The following TBC1D4 variants were observed in gnomAD, a reference collection of about 807,000 sequenced individuals.
TBC1D4 encodes the protein TBC (Tre-2, BUB2, CDC16) domain-containing protein.
A neutral mutation model predicts 142.5 loss-of-function variants in TBC1D4; 121 were observed. The ratio of observed to expected loss-of-function variants is 0.85; its 90% CI spans 0.73 to 0.99. The LOEUF is 0.99. Among genes scored for constraint, TBC1D4 ranks in the 50% least tolerant of loss-of-function variants. The pLI is 0.00. For synonymous variants in TBC1D4, 630 were observed against 628.2 expected, an observed-to-expected ratio of 1.00 and a Z score of -0.04; for missense variants, 1,475 against 1,606.6, an observed-to-expected ratio of 0.92 and a Z score of 1.40.
intron 15 of TBC1D4, chr13:75,302,941 C>G (rs1876729352): frequency 6.1e-6 from 1 of 164,676 alleles, no homozygotes; most frequent in Non-Finnish European, 1.3e-5. Flanking sequence ...AAATGCTAAA[C>G]CTAATTTACA....
chr13:75,337,116 A>C, intron 7 of TBC1D4, 76 bp from the exon 8 acceptor site: 1 of 1,388,468 alleles, frequency 7.2e-7, no homozygotes, highest in South Asian at 1.2e-5. Context: ...TAGGCTTAAG[A>C]CTAAGCTATT....
chr13:75,450,016 G>T (rs1371983911), intron 1 of TBC1D4, among the ~76,000 whole-genome samples: 1 of 152,006 alleles, frequency 6.6e-6, no homozygotes, highest in Non-Finnish European at 1.5e-5. Context: ...TGTTTTGTGT[G>T]GATACACACA....
chr13:75,432,024 G>A (rs1566486180), intron 1 of TBC1D4, among the ~76,000 whole-genome samples: 1 of 152,124 alleles, frequency 6.6e-6, no homozygotes, highest in Non-Finnish European at 1.5e-5. Flanking sequence ...GTGAGAAAGT[G>A]GATAAAGATT....
intron 15 of TBC1D4, among the ~76,000 whole-genome samples, chr13:75,304,771 G>A (rs552815466): frequency 8.5e-5 from 13 of 152,202 alleles, no homozygotes; most frequent in African/African-American, 3.1e-4. Context: ...GAAAGAAAGG[G>A]AGATGGGAAA....
intron 18 of TBC1D4, among the ~76,000 whole-genome samples, 169 bp from the exon 19 acceptor site, chr13:75,292,440 A>G (rs1417293320): frequency 1.3e-5 from 2 of 152,200 alleles, no homozygotes; most frequent in Non-Finnish European, 2.9e-5. Flanking sequence ...TAAACATATA[A>G]GCAGATGTTT....
At chr13:75,431,805 T>G (rs1023993206) in intron 1 of TBC1D4, among the ~76,000 whole-genome samples, 1 of 152,214 alleles carries the variant, frequency 6.6e-6, no homozygotes, top group East Asian at 1.9e-4. Flanking sequence ...TTCAGATAAT[T>G]TATATTCTAG....
chr13:75,416,576 C>G lies in TBC1D4; in HGVS notation c.499-53969G>C, dbSNP rs576042593. Among the ~76,000 whole-genome samples, 13 of 152,302 alleles carry G rather than the reference C, an allele frequency of 8.5e-5. No individual in the cohort carries two copies. In the East Asian group the frequency reaches 1.5e-3, roughly 18 times the overall value. On this transcript the variant is annotated intron_variant, in intron 1 of 20. Coordinates refer to ENST00000377636, the MANE Select transcript of TBC1D4 (RefSeq NM_014832.5). ...CCAGGCATACGGAAAGAGCAACATA[C>G]AAGCAATACTCAAAAGGCACAAAGC...
chr13:75,379,993 C>G (rs1883734300), intron 1 of TBC1D4, among the ~76,000 whole-genome samples: 1 of 141,838 alleles, frequency 7.1e-6, no homozygotes, highest in South Asian at 2.3e-4. Context: ...GCAATCTCTG[C>G]TACCCAGATT....
intron 5 of TBC1D4, 43 bp from the exon 6 acceptor site, chr13:75,341,630 G>A: frequency 2.0e-6 from 3 of 1,496,506 alleles, no homozygotes; most frequent in Non-Finnish European, 2.8e-6. Flanking sequence ...GAGTCTAGCA[G>A]CAGAGATCCA....
In TBC1D4 at chr13:75,359,852, G is replaced by T. The variant is rs587777260; in HGVS notation, c.1087C>A (p.Arg363=). 1.3e-5 allele frequency: 21 copies of T among 1,612,948 alleles called. No individual in the cohort carries two copies. Among genetic ancestry groups the T allele is most frequent in the Non-Finnish European group, 1.5e-5 (18 of 1,179,372 alleles). The change falls in exon 3 of 21, where the codon CGA becomes AGA. Residue 363 remains arginine (R), a synonymous_variant. Transcript: ENST00000377636. ...GGACTGATAAGGTTAATCTCAAATC[G>T]CCCAACCTTAAAAATAAAAGCATTC... ...KNRTMLFQVG[R]FEINLISPDT...
chr13:75,351,409 C>CT lies in TBC1D4; in HGVS notation c.1276-2108dup, dbSNP rs1215612097. Among the ~76,000 whole-genome samples, 17 of 150,762 alleles carry CT rather than the reference C, an allele frequency of 1.1e-4. No homozygotes were observed. In the South Asian group the frequency reaches 1.5e-3, roughly 13 times the overall value. On this transcript the variant is annotated intron_variant, in intron 4 of 20. Coordinates refer to ENST00000377636, the MANE Select transcript of TBC1D4 (RefSeq NM_014832.5). ...GTATATATATACTTATTGTAAAAATCTTTTTTTTTAATTTTATTATTATTA... is the reference window on the plus strand; with the variant it reads ...GTATATATATACTTATTGTAAAAATCTTTTTTTTTTAATTTTATTATTATTA...
chr13:75,448,502 A>G (rs1887391068), intron 1 of TBC1D4, among the ~76,000 whole-genome samples: 1 of 149,286 alleles, frequency 6.7e-6, no homozygotes, highest in Admixed American at 6.7e-5. Flanking sequence ...CGTTAGGTGG[A>G]GGTTTCAGTG....
chr13:75,410,935 C>CAAAAAA lies in TBC1D4; in HGVS notation c.499-48334_499-48329dup, dbSNP rs60172018. 1.6e-3 allele frequency among the ~76,000 whole-genome samples: 103 copies of CAAAAAA among 63,234 alleles called. 8 individuals carry two copies. The highest frequency in any genetic ancestry group is 3.6e-3 in the African/African-American group (54 of 15,206). The allele number at this position is 63,234 out of a possible 152,430, so 41.5% of individuals were successfully genotyped here. ...TGGGCGACAGAGCGAGACTCCGTCTCAAAAAAAAAAAAAAAAAAAAAAAAA... is the reference window on the plus strand; with the variant it reads ...TGGGCGACAGAGCGAGACTCCGTCTCAAAAAAAAAAAAAAAAAAAAAAAAAAAAAAA... On this transcript the variant is annotated intron_variant, in intron 1 of 20. Transcript: ENST00000377636.
intron 15 of TBC1D4, chr13:75,302,685 G>A (rs1876700548): frequency 2.1e-6 from 1 of 472,010 alleles, no homozygotes. Context: ...TATTGAGGGT[G>A]CCTAGCTACT....
At chr13:75,454,216 C>A (rs1317488320) in intron 1 of TBC1D4, among the ~76,000 whole-genome samples, 2 of 151,996 alleles carry the variant, frequency 1.3e-5, no homozygotes, top group East Asian at 3.9e-4. Flanking sequence ...CACAGCAAGA[C>A]CTCATGTCTA....
intron 1 of TBC1D4, among the ~76,000 whole-genome samples, chr13:75,424,272 TAAA>T (rs5804814): frequency 1.7e-5 from 2 of 116,090 alleles, no homozygotes; most frequent in Non-Finnish European, 1.8e-5. Flanking sequence ...AACCCTGTCT[TAAA>T]AAAAAAAAAA....
chr13:75,284,434 C>T lies in TBC1D4; in HGVS notation c.*2358G>A, dbSNP rs1337459953. On this transcript the variant is annotated 3_prime_UTR_variant, in exon 21 of 21. Coordinates refer to ENST00000377636, the MANE Select transcript of TBC1D4 (RefSeq NM_014832.5). ...TCAGGCATTCGATTCTCTTAAGGAA[C>T]ACAAAACATAGATCTCCTGCATGCA... Among the ~76,000 whole-genome samples, 1 of 152,168 alleles carries T rather than the reference C, an allele frequency of 6.6e-6. No homozygotes were observed. The highest frequency in any genetic ancestry group is 1.5e-5 in the Non-Finnish European group (1 of 68,030).
intron 1 of TBC1D4, among the ~76,000 whole-genome samples, chr13:75,432,655 A>G (rs1483437062): frequency 6.6e-6 from 1 of 152,224 alleles, no homozygotes; most frequent in Non-Finnish European, 1.5e-5. Context: ...AACTATTTAC[A>G]AGTAAAGACA....
intron 5 of TBC1D4, 90 bp from the exon 6 acceptor site, chr13:75,341,677 G>A: frequency 2.0e-6 from 2 of 1,016,294 alleles, no homozygotes; most frequent in South Asian, 2.6e-5. Context: ...CTCTTCCCAA[G>A]CAGGCTCTGA....
Sources: gnomAD v4.1 joint callset for allele counts (sites outside exome capture counted in the v4.1 genomes callset) on GRCh38, gnomAD v4.1.1 for gene constraint, MANE v1.5 for transcripts, NCBI Gene and HGNC (gene_info 2026-07-23, HGNC 2026-07-21) for gene names.